The following ULK4 variants were observed in gnomAD, a reference collection of about 807,000 sequenced individuals.
The protein encoded by ULK4 is unc-51 like kinase 4.
A neutral mutation model predicts 160.6 loss-of-function variants in ULK4; 133 were observed. The observed-to-expected ratio is 0.83, with a 90% CI of 0.72 to 0.96. The LOEUF (loss-of-function observed/expected upper bound fraction) is 0.96. Among genes scored for constraint, ULK4 ranks in the 40% least tolerant of loss-of-function variants. The probability of loss-of-function intolerance (pLI) is 0.00; values close to 1 mark genes in which losing one functional copy is unlikely to be tolerated. For synonymous variants in ULK4, 534 were observed against 539.8 expected (o/e 0.99, Z 0.15); for missense variants, 1,580 against 1,499.5 (o/e 1.05, Z -0.89).
chr3:41,938,266 TAA>T (rs1699843640), intron 2 of ULK4, 69 bp from the exon 3 acceptor site: 34 of 1,155,588 alleles, frequency 2.9e-5, no homozygotes, highest in Non-Finnish European at 4.2e-5. Flanking sequence ...GAGAAAAACC[TAA>T]ATATACAATT....
intron 32 of ULK4, among the ~76,000 whole-genome samples, chr3:41,509,725 A>T (rs1172343496): frequency 6.6e-6 from 1 of 152,230 alleles, no homozygotes; most frequent in East Asian, 1.9e-4. Context: ...TGGCGAAACT[A>T]AGCTTCATAA....
chr3:41,647,866 G>C (rs1464023319), intron 30 of ULK4, among the ~76,000 whole-genome samples: 10 of 152,248 alleles, frequency 6.6e-5, no homozygotes, highest in African/African-American at 9.6e-5. Flanking sequence ...GAGCTTCCCA[G>C]CTGCTTTGTG....
chr3:41,577,408 T>C (rs932338352), intron 31 of ULK4, among the ~76,000 whole-genome samples: 2 of 152,246 alleles, frequency 1.3e-5, no homozygotes, highest in Non-Finnish European at 2.9e-5. Context: ...GATACAGGCA[T>C]GTAATGCATA....
intron 22 of ULK4, among the ~76,000 whole-genome samples, chr3:41,753,376 G>C (rs1263313782): frequency 6.6e-6 from 1 of 152,102 alleles, no homozygotes; most frequent in Non-Finnish European, 1.5e-5. Flanking sequence ...GCAATACCAG[G>C]CTCTGCTCAG....
At chr3:41,464,255 G>T (rs890416151) in intron 32 of ULK4, among the ~76,000 whole-genome samples, 1 of 152,002 alleles carries the variant, frequency 6.6e-6, no homozygotes, top group Non-Finnish European at 1.5e-5. Flanking sequence ...TGACAAATGC[G>T]AAATTATCAC....
intron 32 of ULK4, among the ~76,000 whole-genome samples, chr3:41,559,827 A>G (rs1273871239): frequency 6.6e-6 from 1 of 152,124 alleles, no homozygotes; most frequent in Non-Finnish European, 1.5e-5. Context: ...GTAGTTGCCT[A>G]TTCACACTGA....
intron 16 of ULK4, among the ~76,000 whole-genome samples, chr3:41,891,753 A>T (rs182751588): frequency 2.4e-3 from 365 of 152,230 alleles, no homozygotes; most frequent in African/African-American, 7.8e-3. Flanking sequence ...AAAAATACAA[A>T]AATTAGCCGG....
chr3:41,589,430 C>CAAAAAAAAAAA (rs34913730), intron 31 of ULK4, among the ~76,000 whole-genome samples: 1 of 72,114 alleles, frequency 1.4e-5, no homozygotes, highest in Non-Finnish European at 2.7e-5. Flanking sequence ...AAGGCCAGGC[C>CAAAAAAAAAAA]AAAAAAAAAA....
intron 22 of ULK4, among the ~76,000 whole-genome samples, chr3:41,723,750 T>G (rs921683332): frequency 6.6e-6 from 1 of 152,190 alleles, no homozygotes; most frequent in African/African-American, 2.4e-5. Flanking sequence ...AGACCAAGAT[T>G]AAGAGAGGAC....
intron 32 of ULK4, among the ~76,000 whole-genome samples, chr3:41,501,220 G>A (rs1431192639): frequency 1.3e-5 from 2 of 152,130 alleles, no homozygotes; most frequent in Non-Finnish European, 2.9e-5. Flanking sequence ...TTGGCTGGGC[G>A]CGGTGGCTCA....
At chr3:41,263,862 G>A (rs2078986078) in intron 35 of ULK4, among the ~76,000 whole-genome samples, 1 of 152,208 alleles carries the variant, frequency 6.6e-6, no homozygotes, top group African/African-American at 2.4e-5. Context: ...AGTGTGTATT[G>A]AGCACCTATG....
At chr3:41,952,016 C>G (rs924022579) in intron 2 of ULK4, among the ~76,000 whole-genome samples, 3 of 152,154 alleles carry the variant, frequency 2.0e-5, no homozygotes, top group African/African-American at 7.2e-5. Context: ...GCAGCCCAAA[C>G]AGAGACATTT....
intron 29 of ULK4, among the ~76,000 whole-genome samples, chr3:41,670,468 T>C (rs773153439): frequency 7.2e-5 from 11 of 152,044 alleles, no homozygotes; most frequent in Admixed American, 2.0e-4. Flanking sequence ...TTTGCATGGA[T>C]ACAAAGATAA....
chr3:41,599,723 C>T (rs994991221), intron 31 of ULK4, among the ~76,000 whole-genome samples: 3 of 151,946 alleles, frequency 2.0e-5, no homozygotes, highest in Non-Finnish European at 4.4e-5. Context: ...TACCACCATG[C>T]CCAGCTAATT....
chr3:41,823,731 A>G (rs2041231318), intron 18 of ULK4, among the ~76,000 whole-genome samples: 1 of 152,198 alleles, frequency 6.6e-6, no homozygotes, highest in South Asian at 2.1e-4. Context: ...CAAAGCCCTC[A>G]TGTCCTGAAA....
At chr3:41,690,204 C>G (rs1469825013) in intron 27 of ULK4, among the ~76,000 whole-genome samples, 1 of 150,028 alleles carries the variant, frequency 6.7e-6, no homozygotes, top group African/African-American at 2.4e-5. Context: ...AAAAACCAAA[C>G]ACCGCATATT....
chr3:41,411,613 A>G (rs1479028031), intron 34 of ULK4, among the ~76,000 whole-genome samples: 1 of 151,790 alleles, frequency 6.6e-6, no homozygotes, highest in Non-Finnish European at 1.5e-5. Flanking sequence ...TTGTATTTTT[A>G]GTAGAGACAG....
chr3:41,771,396 T>C (rs1455802855), intron 21 of ULK4, among the ~76,000 whole-genome samples: 4 of 152,126 alleles, frequency 2.6e-5, no homozygotes, highest in African/African-American at 7.2e-5. Flanking sequence ...AATACATTTA[T>C]AAAGAACAAA....
At chr3:41,729,215 C>T (rs906737741) in intron 22 of ULK4, among the ~76,000 whole-genome samples, 1 of 152,176 alleles carries the variant, frequency 6.6e-6, no homozygotes, top group African/African-American at 2.4e-5. Flanking sequence ...TTGGGATCAA[C>T]TCGGAATCAT....
Sources: allele counts gnomAD v4.1 joint callset (sites outside exome capture counted in the v4.1 genomes callset), GRCh38; gene constraint gnomAD v4.1.1; transcripts MANE v1.5; gene names NCBI Gene and HGNC (gene_info 2026-07-23, HGNC 2026-07-21).